Variants in RDX observed in about 807,000 individuals in gnomAD.
The protein encoded by RDX is deafness, autosomal recessive 24.
Under a neutral mutation model 83.7 loss-of-function variants are expected in RDX, and 32 were observed. The observed-to-expected ratio is 0.38, with a 90% CI of 0.29 to 0.51. The LOEUF is 0.51. Among genes scored for constraint, RDX ranks in the 20% least tolerant of loss-of-function variants. The pLI is 0.87. For missense variants in RDX, 600 were observed against 689.9 expected (o/e 0.87, Z 1.46); for synonymous variants, 229 against 222.7 (o/e 1.03, Z -0.25).
intron 14 of RDX, among the ~76,000 whole-genome samples, chr11:110,223,810 A>C (rs571317468): frequency 2.6e-4 from 40 of 152,232 alleles, no homozygotes; most frequent in Non-Finnish European, 2.6e-4. Flanking sequence ...TCACGCCTGT[A>C]ATCCCAGCAC....
chr11:110,189,273 AGGGCATTACATAATGAC>A (rs1863059067), intron 15 of RDX, among the ~76,000 whole-genome samples: 58 of 146,270 alleles, frequency 4.0e-4, no homozygotes, highest in African/African-American at 1.5e-3. Context: ...AAAAAAGACA[AGGGCATTACATAATGAC>A]AAAGGGATCA....
intron 1 of RDX, among the ~76,000 whole-genome samples, chr11:110,288,688 T>TA (rs1219352376): frequency 2.0e-5 from 3 of 152,200 alleles, no homozygotes; most frequent in East Asian, 1.9e-4. Flanking sequence ...TCTATTGCTA[T>TA]AAAAAAATTA....
chr11:110,291,045 T>C (rs1448076127), intron 1 of RDX, among the ~76,000 whole-genome samples: 2 of 152,102 alleles, frequency 1.3e-5, no homozygotes, highest in Non-Finnish European at 2.9e-5. Flanking sequence ...TATAGATGAA[T>C]AATGAAAATA....
chr11:110,258,049 C>T (rs752935278), intron 6 of RDX, 57 bp downstream of exon 6: 120 of 1,471,994 alleles, frequency 8.2e-5, no homozygotes, highest in Admixed American at 4.8e-4. Flanking sequence ...ATAAATGTTA[C>T]GACATGAAAA....
chr11:110,216,601 T>C (rs1864063893), intron 14 of RDX, among the ~76,000 whole-genome samples: 1 of 150,562 alleles, frequency 6.6e-6, no homozygotes, highest in Admixed American at 6.7e-5. Context: ...TGGTCTCACA[T>C]TCCTGGCGTC....
At chr11:110,225,862 C>T (rs1030282021), downstream of RDX, among the ~76,000 whole-genome samples, 1 of 150,392 alleles carries the variant, frequency 6.6e-6, no homozygotes, top group African/African-American at 2.4e-5. Flanking sequence ...GCCTAACCAA[C>T]ATGGAGAAAT....
chr11:110,288,747 A>C (rs1425922167), intron 1 of RDX, among the ~76,000 whole-genome samples: 1 of 152,162 alleles, frequency 6.6e-6, no homozygotes, highest in East Asian at 1.9e-4. Context: ...AAACTGATAC[A>C]ATGCCTGGTT....
At chr11:110,203,827 A>C (rs1031958097) in intron 14 of RDX, among the ~76,000 whole-genome samples, 5 of 152,098 alleles carry the variant, frequency 3.3e-5, no homozygotes, top group African/African-American at 1.2e-4. Context: ...AAAAGAAAAA[A>C]CTCTTAGAAA....
At chr11:110,199,194 T>C (rs7926575) in intron 15 of RDX, among the ~76,000 whole-genome samples, 2 of 152,162 alleles carry the variant, frequency 1.3e-5, no homozygotes, top group South Asian at 2.1e-4. Context: ...CATAATACTT[T>C]CATTCTCAAT....
At chr11:110,192,200 T>C (rs1195773928) in intron 15 of RDX, among the ~76,000 whole-genome samples, 1 of 152,094 alleles carries the variant, frequency 6.6e-6, no homozygotes, top group Non-Finnish European at 1.5e-5. Context: ...CACAGACCAA[T>C]GGAACACAGT....
At chr11:110,255,263 C>G (rs750966494) in intron 8 of RDX, 26 bp downstream of exon 8, 4 of 1,198,148 alleles carry the variant, frequency 3.3e-6, no homozygotes, top group Non-Finnish European at 5.0e-6. Context: ...ACAGTTAATA[C>G]ACAAAATATT....
intron 3 of RDX, among the ~76,000 whole-genome samples, chr11:110,271,649 C>G (rs1213488016): frequency 2.0e-5 from 3 of 152,132 alleles, no homozygotes; most frequent in Non-Finnish European, 4.4e-5. Context: ...CAAGCACTGT[C>G]TCCTTTCCCT....
intron 12 of RDX, among the ~76,000 whole-genome samples, chr11:110,235,440 T>C (rs2134307140): frequency 6.6e-6 from 1 of 152,320 alleles, no homozygotes; most frequent in African/African-American, 2.4e-5. Flanking sequence ...CTCTTTATTC[T>C]CATTTTCACA....
chr11:110,193,643 G>A (rs924474032), intron 15 of RDX, among the ~76,000 whole-genome samples: 1 of 152,080 alleles, frequency 6.6e-6, no homozygotes, highest in Admixed American at 6.5e-5. Flanking sequence ...CTCTTCCAAA[G>A]AAGACACTCT....
intron 10 of RDX, among the ~76,000 whole-genome samples, chr11:110,240,438 G>A (rs1865039505): frequency 6.6e-6 from 1 of 152,120 alleles, no homozygotes; most frequent in Admixed American, 6.5e-5. Flanking sequence ...CTACTGAACT[G>A]TATACTTAAA....
intron 3 of RDX, among the ~76,000 whole-genome samples, chr11:110,271,962 A>T (rs1860327097): frequency 6.6e-6 from 1 of 152,250 alleles, no homozygotes; most frequent in African/African-American, 2.4e-5. Context: ...GTCGCAGTCA[A>T]AACTCAGTAT....
chr11:110,182,483 C>T (rs568736285), intron 15 of RDX, among the ~76,000 whole-genome samples: 74 of 152,258 alleles, frequency 4.9e-4, no homozygotes, highest in Admixed American at 2.9e-3. Flanking sequence ...CACCTGTAGT[C>T]CCAGCTACTC....
chr11:110,232,426 G>T (rs762092467), intron 13 of RDX, among the ~76,000 whole-genome samples: 103 of 152,022 alleles, frequency 6.8e-4, no homozygotes, highest in Non-Finnish European at 1.2e-3. Flanking sequence ...AATATTTAAA[G>T]ATTTTAACAA....
intron 5 of RDX, among the ~76,000 whole-genome samples, chr11:110,262,481 A>G (rs1859844602): frequency 6.6e-6 from 1 of 152,046 alleles, no homozygotes; most frequent in Non-Finnish European, 1.5e-5. Flanking sequence ...GCTGCTCAGG[A>G]GGAGACTGAG....
Sources: gnomAD v4.1 joint callset for allele counts (sites outside exome capture counted in the v4.1 genomes callset) on GRCh38, gnomAD v4.1.1 for gene constraint, MANE v1.5 for transcripts, NCBI Gene and HGNC (gene_info 2026-07-23, HGNC 2026-07-21) for gene names.